The following PCDHGA3 variants were observed in gnomAD, a reference collection of about 807,000 sequenced individuals.
PCDHGA3 encodes protocadherin gamma subfamily A, 3.
PCDHGA3 carries 40 observed loss-of-function variants against 58.5 expected under a neutral mutation model. The ratio of observed to expected loss-of-function variants is 0.68; its 90% CI spans 0.53 to 0.89. The LOEUF is 0.89. Among genes scored for constraint, PCDHGA3 ranks in the 40% least tolerant of loss-of-function variants. The pLI is 0.00. For missense variants in PCDHGA3, 1,223 were observed against 1,195.9 expected (o/e 1.02, Z -0.33); for synonymous variants, 530 against 525.7 (o/e 1.01, Z -0.11).
At chr5:141,416,717 A>G (rs1227713508) in intron 1 of PCDHGA3, 1 of 152,256 alleles carries the variant, frequency 6.6e-6, no homozygotes, top group Admixed American at 6.5e-5. Flanking sequence ...GGTACTGATG[A>G]GTTCATTTAG....
chr5:141,414,457 G>A (rs1319960665), intron 1 of PCDHGA3: 7 of 1,613,872 alleles, frequency 4.3e-6, no homozygotes, highest in Non-Finnish European at 5.9e-6. Flanking sequence ...CACAGTGACA[G>A]CCACAGATGG....
intron 1 of PCDHGA3, chr5:141,371,732 C>T: frequency 1.9e-6 from 3 of 1,614,046 alleles, no homozygotes; most frequent in Non-Finnish European, 2.5e-6. Flanking sequence ...TTGATGTCAA[C>T]GACAACGTTC....
intron 1 of PCDHGA3, among the ~76,000 whole-genome samples, chr5:141,457,975 C>T (rs2098934043): frequency 6.6e-6 from 1 of 152,202 alleles, no homozygotes; most frequent in South Asian, 2.1e-4. Context: ...AAGGGAAACA[C>T]ACCCTTTCAG....
intron 1 of PCDHGA3, chr5:141,376,697 T>G (rs1773235579): frequency 1.5e-6 from 1 of 652,042 alleles, no homozygotes; most frequent in Non-Finnish European, 2.4e-6. Flanking sequence ...TTTTTTTTTT[T>G]GAGACGGAGT....
chr5:141,430,720 T>G, intron 1 of PCDHGA3: 1 of 1,486,390 alleles, frequency 6.7e-7, no homozygotes, highest in East Asian at 2.4e-5. Flanking sequence ...ACTTCAGTGG[T>G]TAAGGGCAGA....
chr5:141,405,593 C>T (rs1262163993), intron 1 of PCDHGA3: 1 of 579,000 alleles, frequency 1.7e-6, no homozygotes, highest in African/African-American at 1.9e-5. Context: ...TACAGGCCTC[C>T]CAAGTAGAAT....
At chr5:141,409,638 C>A (rs1040366842) in intron 1 of PCDHGA3, 1 of 1,613,648 alleles carries the variant, frequency 6.2e-7, no homozygotes, top group Admixed American at 1.7e-5. Flanking sequence ...GCCTCTGACC[C>A]GGATTTGGGG....
intron 1 of PCDHGA3, among the ~76,000 whole-genome samples, chr5:141,387,427 GT>G (rs1416187411): frequency 6.6e-6 from 1 of 152,220 alleles, no homozygotes; most frequent in Non-Finnish European, 1.5e-5. Context: ...GTCAATAAAT[GT>G]TTATGTACTT....
chr5:141,419,884 C>A lies in PCDHGA3; in HGVS notation c.2424+73427C>A. 1 of 1,614,088 alleles carries A rather than the reference C, an allele frequency of 6.2e-7. No individual in the cohort carries two copies. The highest frequency in any genetic ancestry group is 8.5e-7 in the Non-Finnish European group (1 of 1,179,896). On this transcript the variant is annotated intron_variant, in intron 1 of 3. Transcript: ENST00000253812. ...GCTTGCAAGAGGTACTGCCGGATTT[C>A]AGCGACCATCCCACACCCTCTGACT... is the stretch of plus-strand genomic sequence containing the variant.
chr5:141,499,689 C>CTTTT (rs545067566), intron 2 of PCDHGA3, among the ~76,000 whole-genome samples: 17 of 119,848 alleles, frequency 1.4e-4, no homozygotes, highest in East Asian at 2.4e-4. Context: ...TAACAGATGA[C>CTTTT]TTTTTTTTTT....
In PCDHGA3 at chr5:141,357,036, C is replaced by A. The variant is rs765676515; in HGVS notation, c.2424+10579C>A. 5.6e-5 allele frequency: 90 copies of A among 1,614,042 alleles called. 2 individuals carry two copies. In the South Asian group the frequency reaches 8.8e-4, roughly 16 times the overall value. ...TGTCCTACAGCCTACTCAAGTCCAG[C>A]GAGCCGGGACTATTTGCAGTGGGGC... On this transcript the variant is annotated intron_variant, in intron 1 of 3. Transcript: ENST00000253812.
chr5:141,477,642 A>G lies in PCDHGA3; in HGVS notation c.2425-17165A>G, dbSNP rs767152121. On this transcript the variant is annotated intron_variant, in intron 1 of 3. Transcript: ENST00000253812. The surrounding 1 kb of genome is among the most constrained non-coding windows in gnomAD (Gnocchi z 4.9). ...GCTGAAACCGGGCTAGTGGGTCGCT[A>G]TTTCACAATAAATCGTGACAATGGC... 9 of 1,614,136 alleles carry G rather than the reference A, an allele frequency of 5.6e-6. No individual in the cohort carries two copies. Among genetic ancestry groups the G allele is most frequent in the Non-Finnish European group, 7.6e-6 (9 of 1,180,022 alleles).
At chr5:141,480,738 T>C (rs2099524955) in intron 1 of PCDHGA3, among the ~76,000 whole-genome samples, 1 of 152,124 alleles carries the variant, frequency 6.6e-6, no homozygotes, top group Admixed American at 6.5e-5. Flanking sequence ...GGGTGGGACA[T>C]AGGCATCATT....
At chr5:141,400,166 C>T (rs370071207) in intron 1 of PCDHGA3, 80 of 1,613,954 alleles carry the variant, frequency 5.0e-5, no homozygotes, top group South Asian at 7.7e-5. Context: ...CCCTCTGACC[C>T]CCAGGCTGAG....
Position 141,483,381 on chromosome 5 carries a change from G to T in PCDHGA3, c.2425-11426G>T, listed in dbSNP as rs147887550. ...AAGCTATTGCAATATTTGAAGAGAA[G>T]ATTGATAAATGCTTGAACCAGCACA... On this transcript the variant is annotated intron_variant, in intron 1 of 3. Transcript: ENST00000253812. 2.0e-3 allele frequency among the ~76,000 whole-genome samples: 305 copies of T among 152,292 alleles called. 2 individuals are homozygous for T. Among genetic ancestry groups the T allele is most frequent in the African/African-American group, 6.9e-3 (286 of 41,558 alleles).
chr5:141,419,240 G>T, intron 1 of PCDHGA3: 1 of 1,613,980 alleles, frequency 6.2e-7, no homozygotes. Flanking sequence ...CCTGGTCCAC[G>T]TGCCAGAAAA....
chr5:141,486,017 A>C lies in PCDHGA3; in HGVS notation c.2425-8790A>C, dbSNP rs746747518. 1 of 1,614,176 alleles carries C rather than the reference A, an allele frequency of 6.2e-7. No homozygotes were observed. The highest frequency in any genetic ancestry group is 8.5e-7 in the Non-Finnish European group (1 of 1,180,038). ...CAGTGGTAACGTCACCTTTTATTTC[A>C]GTGGTCATACCCCTGATCGTGTAAG... On this transcript the variant is annotated intron_variant, in intron 1 of 3. Coordinates refer to ENST00000253812, the MANE Select transcript of PCDHGA3 (RefSeq NM_018916.4). This position sits in a 1 kb window ranked among gnomAD's most constrained non-coding sequence, Gnocchi z 5.0.
intron 1 of PCDHGA3, chr5:141,413,192 A>G: frequency 1.2e-6 from 2 of 1,607,816 alleles, no homozygotes; most frequent in South Asian, 2.2e-5. Context: ...GCTCAAAGGA[A>G]TCGCTCAAAG....
chr5:141,367,922 CAACTT>C (rs974333677), intron 1 of PCDHGA3: 11 of 152,168 alleles, frequency 7.2e-5, no homozygotes, highest in East Asian at 1.9e-4. Flanking sequence ...AAAAAGAACT[CAACTT>C]AAAGATGGTT....
Sources: allele counts gnomAD v4.1 joint callset (sites outside exome capture counted in the v4.1 genomes callset), GRCh38; gene constraint gnomAD v4.1.1; non-coding constraint Gnocchi (gnomAD v3.1); transcripts MANE v1.5; gene names NCBI Gene and HGNC (gene_info 2026-07-23, HGNC 2026-07-21).